COL4A2: variants seen among roughly 807,000 people sequenced by gnomAD.
The protein encoded by COL4A2 is collagen alpha-2(IV) chain.
COL4A2 carries 99 observed loss-of-function variants against 200.2 expected under a neutral mutation model. The ratio of observed to expected loss-of-function variants is 0.49; its 90% CI spans 0.42 to 0.58. The LOEUF is 0.58. COL4A2 is among the 20% of genes least tolerant of loss of function. The pLI is 0.00. For missense variants in COL4A2, 1,950 were observed against 2,314.1 expected (o/e 0.84, Z 3.23); for synonymous variants, 897 against 900.6 (o/e 1.00, Z 0.07).
At chr13:110,474,752 ACT>A (rs1882626190) in intron 29 of COL4A2, among the ~76,000 whole-genome samples, 1 of 95,930 alleles carries the variant, frequency 1.0e-5, no homozygotes, top group African/African-American at 4.1e-5. Flanking sequence ...TGCCGTGCAC[ACT>A]CACACATCAC....
At chr13:110,480,584 C>T (rs1006611049) in intron 31 of COL4A2, among the ~76,000 whole-genome samples, 194 bp downstream of exon 31, 3 of 152,168 alleles carry the variant, frequency 2.0e-5, no homozygotes, top group East Asian at 1.9e-4. Flanking sequence ...TGCTTAGACG[C>T]GGGTGGGACC....
chr13:110,351,048 A>C (rs1311763270), intron 3 of COL4A2, among the ~76,000 whole-genome samples: 1 of 150,188 alleles, frequency 6.7e-6, no homozygotes, highest in Non-Finnish European at 1.5e-5. Context: ...TTCTTTCTTT[A>C]TTTTTATTTT....
chr13:110,450,509 G>A (rs1881499833), intron 20 of COL4A2, 55 bp downstream of exon 20: 1 of 1,590,608 alleles, frequency 6.3e-7, no homozygotes, highest in Non-Finnish European at 8.6e-7. Context: ...ATGAAGCCCG[G>A]TCCCAGCCGG....
In COL4A2 at chr13:110,503,497, G is replaced by A. The variant is rs192336585; in HGVS notation, c.4138+16G>A. 7.4e-5 allele frequency: 109 copies of A among 1,481,414 alleles called. 1 individual carries two copies. In the East Asian group the frequency reaches 9.0e-4, roughly 12 times the overall value. The allele number at this position is 1,481,414 out of a possible 1,614,324, so 91.8% of individuals were successfully genotyped here. On this transcript the variant is annotated intron_variant, in intron 43 of 47. Transcript: ENST00000360467. ...GGATTCCCTGGTAAGTGACCGTCTG[G>A]TATCTTCAGAGCTAGTGGCTCAGCC...
intron 4 of COL4A2, among the ~76,000 whole-genome samples, chr13:110,396,675 C>T (rs1879192979): frequency 6.6e-6 from 1 of 152,118 alleles, no homozygotes; most frequent in Non-Finnish European, 1.5e-5. Flanking sequence ...GTCATTAAAC[C>T]CCATGGCAGT....
intron 28 of COL4A2, among the ~76,000 whole-genome samples, chr13:110,470,379 T>A (rs1488820194): frequency 6.6e-6 from 1 of 152,134 alleles, no homozygotes. Flanking sequence ...GGAACCCTCT[T>A]GTTGCTAGAA....
intron 38 of COL4A2, 141 bp from the exon 39 acceptor site, chr13:110,493,069 TG>T: frequency 4.6e-6 from 4 of 863,104 alleles, no homozygotes; most frequent in Non-Finnish European, 3.6e-6. Context: ...TAACGATGAG[TG>T]ACACCCCCAT....
intron 12 of COL4A2, among the ~76,000 whole-genome samples, chr13:110,435,278 T>G (rs1880830694): frequency 6.6e-6 from 1 of 152,116 alleles, no homozygotes; most frequent in African/African-American, 2.4e-5. Context: ...ACATAAAAAT[T>G]TATAGCCCCA....
At chr13:110,443,617 G>A (rs555354772) in intron 16 of COL4A2, among the ~76,000 whole-genome samples, 2 of 152,324 alleles carry the variant, frequency 1.3e-5, no homozygotes, top group African/African-American at 4.8e-5. Flanking sequence ...GGAGGTTGCA[G>A]TTTCAAAGCC....
chr13:110,459,923 A>G (rs1471709566), intron 22 of COL4A2, among the ~76,000 whole-genome samples: 2 of 152,214 alleles, frequency 1.3e-5, no homozygotes, highest in Admixed American at 6.5e-5. Flanking sequence ...CCCCACACAC[A>G]TCAGCTCATG....
intron 4 of COL4A2, among the ~76,000 whole-genome samples, chr13:110,424,103 C>T (rs975588788): frequency 1.3e-5 from 2 of 152,082 alleles, no homozygotes; most frequent in Admixed American, 6.6e-5. Context: ...GTTAAGGAGC[C>T]GCCAGAGTGT....
At chr13:110,444,575 T>G (rs1033830482) in intron 16 of COL4A2, among the ~76,000 whole-genome samples, 3 of 152,232 alleles carry the variant, frequency 2.0e-5, no homozygotes, top group African/African-American at 7.2e-5. Flanking sequence ...GAAGCCCGTC[T>G]CAATTCAGTC....
chr13:110,380,744 C>CAG, intron 4 of COL4A2, among the ~76,000 whole-genome samples: 1 of 150,380 alleles, frequency 6.6e-6, no homozygotes, highest in Admixed American at 6.6e-5. Context: ...CTCATACCCA[C>CAG]GTGCTCTGTC....
intron 4 of COL4A2, among the ~76,000 whole-genome samples, chr13:110,376,629 C>T (rs563129916): frequency 6.6e-6 from 1 of 152,314 alleles, no homozygotes; most frequent in South Asian, 2.1e-4. Flanking sequence ...GCCTCTCACG[C>T]TGTAATGTGC....
intron 4 of COL4A2, among the ~76,000 whole-genome samples, chr13:110,371,829 G>A (rs1242893722): frequency 6.6e-6 from 1 of 152,166 alleles, no homozygotes; most frequent in African/African-American, 2.4e-5. Flanking sequence ...CGTTGGCCGT[G>A]CCGGGAGCTC....
At chr13:110,311,541 C>T (rs1281630245) in intron 3 of COL4A2, among the ~76,000 whole-genome samples, 1 of 152,284 alleles carries the variant, frequency 6.6e-6, no homozygotes, top group South Asian at 2.1e-4. Context: ...TCATCCCACC[C>T]ACCTCATAGA....
chr13:110,504,346 A>G, intron 45 of COL4A2, 82 bp downstream of exon 45: 1 of 1,211,368 alleles, frequency 8.3e-7, no homozygotes, highest in Non-Finnish European at 1.2e-6. Flanking sequence ...GGAAGGGGAC[A>G]CACGAGAGCC....
At chr13:110,312,013 G>A (rs983926321) in intron 3 of COL4A2, among the ~76,000 whole-genome samples, 13 of 152,252 alleles carry the variant, frequency 8.5e-5, no homozygotes, top group African/African-American at 3.1e-4. Context: ...GGGAGGAGAG[G>A]TGTTCATGCC....
chr13:110,385,950 G>A (rs1194659444), intron 4 of COL4A2, among the ~76,000 whole-genome samples: 5 of 124,476 alleles, frequency 4.0e-5, no homozygotes, highest in East Asian at 2.4e-4. Flanking sequence ...TGGATGGGCC[G>A]TGGTCACAGC....
Sources: allele counts gnomAD v4.1 joint callset (sites outside exome capture counted in the v4.1 genomes callset), GRCh38; gene constraint gnomAD v4.1.1; transcripts MANE v1.5; gene names NCBI Gene and HGNC (gene_info 2026-07-23, HGNC 2026-07-21).